Variants in GRM8 observed in about 807,000 individuals in gnomAD.
GRM8 encodes glutamate metabotropic receptor 8, also known as metabotropic glutamate receptor 8.
GRM8 carries 47 observed loss-of-function variants against 87.2 expected under a neutral mutation model. The observed-to-expected ratio is 0.54, with a 90% CI of 0.43 to 0.69. GRM8 has a LOEUF of 0.69. GRM8 is among the 30% of genes least tolerant of loss of function. The pLI is 0.00. For missense variants in GRM8, 1,019 were observed against 1,139.2 expected, an observed-to-expected ratio of 0.89 and a Z score of 1.52; for synonymous variants, 396 against 404.5, an observed-to-expected ratio of 0.98 and a Z score of 0.25.
chr7:126,626,021 A>C (rs1341114435), intron 7 of GRM8, among the ~76,000 whole-genome samples: 1 of 152,038 alleles, frequency 6.6e-6, no homozygotes, highest in Non-Finnish European at 1.5e-5. Flanking sequence ...AAAAATGTGT[A>C]TATATGACTT....
intron 7 of GRM8, among the ~76,000 whole-genome samples, chr7:126,738,569 A>G (rs1814513685): frequency 2.0e-5 from 3 of 151,942 alleles, no homozygotes; most frequent in African/African-American, 7.2e-5. Flanking sequence ...GAACTTGATG[A>G]GTTGAACATC....
intron 3 of GRM8, among the ~76,000 whole-genome samples, chr7:126,937,543 T>C (rs116077023): frequency 6.6e-6 from 1 of 152,166 alleles, no homozygotes; most frequent in Non-Finnish European, 1.5e-5. Flanking sequence ...CCACCACAGA[T>C]GTGGCCACAA....
intron 2 of GRM8, among the ~76,000 whole-genome samples, chr7:127,224,955 A>G (rs1797223746): frequency 6.6e-6 from 1 of 152,192 alleles, no homozygotes; most frequent in Non-Finnish European, 1.5e-5. Flanking sequence ...TAATAAAATG[A>G]CAATAATAGT....
intron 7 of GRM8, among the ~76,000 whole-genome samples, chr7:126,749,837 T>C (rs1381795022): frequency 6.6e-6 from 1 of 152,032 alleles, no homozygotes; most frequent in African/African-American, 2.4e-5. Context: ...AATATGACAA[T>C]ATCAAGTGTT....
chr7:127,224,830 G>C (rs1418146505), intron 2 of GRM8, among the ~76,000 whole-genome samples: 2 of 152,014 alleles, frequency 1.3e-5, no homozygotes, highest in African/African-American at 4.8e-5. Context: ...TGCCTAGGCT[G>C]GTCTGAATTC....
chr7:126,485,103 T>C (rs564032456), intron 9 of GRM8, among the ~76,000 whole-genome samples: 2 of 152,206 alleles, frequency 1.3e-5, no homozygotes, highest in East Asian at 3.9e-4. Context: ...TATCATTGAT[T>C]ATGCAAGCAT....
chr7:126,767,365 A>G (rs1818301939), intron 7 of GRM8, among the ~76,000 whole-genome samples: 1 of 152,160 alleles, frequency 6.6e-6, no homozygotes, highest in African/African-American at 2.4e-5. Context: ...CAAAACAGCC[A>G]GAGAAGACTT....
chr7:127,140,602 G>A (rs1483323470), intron 2 of GRM8, among the ~76,000 whole-genome samples: 5 of 152,050 alleles, frequency 3.3e-5, no homozygotes, highest in African/African-American at 1.2e-4. Context: ...AGTATGAGGG[G>A]CCCACTTCCA....
intron 7 of GRM8, among the ~76,000 whole-genome samples, chr7:126,721,257 C>A (rs1056645014): frequency 1.3e-5 from 2 of 152,140 alleles, no homozygotes; most frequent in Non-Finnish European, 2.9e-5. Context: ...TCTACACAAT[C>A]AAAAATCTTT....
chr7:127,096,986 T>G (rs1442465856), intron 3 of GRM8, among the ~76,000 whole-genome samples: 2 of 152,162 alleles, frequency 1.3e-5, no homozygotes, highest in Non-Finnish European at 2.9e-5. Context: ...ACCCCCAGAC[T>G]CACATTACTA....
chr7:126,613,824 T>C (rs1235945305), intron 7 of GRM8, among the ~76,000 whole-genome samples: 1 of 152,112 alleles, frequency 6.6e-6, no homozygotes, highest in African/African-American at 2.4e-5. Context: ...GCAGCGAGGC[T>C]GGGGGAGGGG....
intron 2 of GRM8, among the ~76,000 whole-genome samples, chr7:127,127,153 AT>A (rs1444791996): frequency 3.3e-5 from 5 of 151,968 alleles, no homozygotes; most frequent in Admixed American, 2.6e-4. Flanking sequence ...TTTTGAAATA[AT>A]TTGGCAGATA....
intron 9 of GRM8, among the ~76,000 whole-genome samples, chr7:126,513,457 T>C (rs1216143724): frequency 1.3e-5 from 2 of 152,166 alleles, no homozygotes; most frequent in Admixed American, 1.3e-4. Flanking sequence ...GTTAGTATAT[T>C]TCTTAAACCA....
intron 3 of GRM8, among the ~76,000 whole-genome samples, chr7:127,083,227 G>A (rs1371954971): frequency 3.3e-5 from 5 of 152,096 alleles, no homozygotes; most frequent in Non-Finnish European, 7.4e-5. Context: ...CACTTTCGTT[G>A]ATAATATAAT....
intron 3 of GRM8, among the ~76,000 whole-genome samples, chr7:127,058,537 GA>G (rs200831422): frequency 1.8e-4 from 27 of 149,898 alleles, no homozygotes; most frequent in South Asian, 6.3e-4. Context: ...TTAGGCTGGT[GA>G]AAAAAAAAAT....
intron 6 of GRM8, among the ~76,000 whole-genome samples, chr7:126,850,630 G>C (rs1797125573): frequency 6.6e-6 from 1 of 152,194 alleles, no homozygotes; most frequent in Non-Finnish European, 1.5e-5. Context: ...AAACTTCTAT[G>C]ATTATCTCAA....
rs537074004 is a variant in GRM8, at chr7:127,215,700, A to G, written c.510+26995T>C. On this transcript the variant is annotated intron_variant, in intron 2 of 10. Transcript: ENST00000339582. Reference sequence around the variant, plus strand: ...AAAGGTTGTTTTTTATATTACATTCAGCATTTCTCAGTGTCTGTAATTGGG... The same window carrying G: ...AAAGGTTGTTTTTTATATTACATTCGGCATTTCTCAGTGTCTGTAATTGGG... Among the ~76,000 whole-genome samples, 8 of 152,320 alleles carry G rather than the reference A, an allele frequency of 5.3e-5. 1 individual carries two copies. The highest frequency in any genetic ancestry group is 1.7e-4 in the African/African-American group (7 of 41,576).
intron 8 of GRM8, among the ~76,000 whole-genome samples, chr7:126,604,276 A>G (rs2299476): frequency 0.31 from 46,947 of 152,012 alleles, 8,125 homozygotes; most frequent in East Asian, 0.44. Flanking sequence ...TGAATCACAG[A>G]GGCTACTTTT....
chr7:127,045,550 T>A (rs772282920), intron 3 of GRM8, among the ~76,000 whole-genome samples: 5 of 152,188 alleles, frequency 3.3e-5, no homozygotes, highest in Admixed American at 2.0e-4. Context: ...TAAAGTCTCC[T>A]TTTTTTGCAT....
Sources: allele counts gnomAD v4.1 joint callset (sites outside exome capture counted in the v4.1 genomes callset), GRCh38; gene constraint gnomAD v4.1.1; transcripts MANE v1.5; gene names NCBI Gene and HGNC (gene_info 2026-07-23, HGNC 2026-07-21).